The following MGAT5 variants were observed in gnomAD, a reference collection of about 807,000 sequenced individuals.
MGAT5 encodes alpha-1,6-mannosylglycoprotein 6-beta-N-acetylglucosaminyltransferase A.
In MGAT5, 30 loss-of-function variants were observed where a neutral mutation model predicts 94.3. The observed-to-expected ratio is 0.32, with a 90% CI of 0.24 to 0.43. The LOEUF (loss-of-function observed/expected upper bound fraction) is 0.43. Ranked by LOEUF, MGAT5 falls within the 20% of genes least tolerant of loss-of-function variation. The probability of loss-of-function intolerance (pLI) is 1.00; values close to 1 mark genes in which losing one functional copy is unlikely to be tolerated. For missense variants in MGAT5, 691 were observed against 905.5 expected, an observed-to-expected ratio of 0.76 and a Z score of 3.04; for synonymous variants, 310 against 322.9, an observed-to-expected ratio of 0.96 and a Z score of 0.43.
chr2:134,259,562 G>A (rs2105549743), intron 1 of MGAT5, among the ~76,000 whole-genome samples: 1 of 152,272 alleles, frequency 6.6e-6, no homozygotes, highest in East Asian at 1.9e-4. Flanking sequence ...GCCAGCTCAG[G>A]CTCAAGCAGC....
chr2:134,197,708 C>G (rs958224471), intron 1 of MGAT5, among the ~76,000 whole-genome samples: 1 of 152,178 alleles, frequency 6.6e-6, no homozygotes, highest in Admixed American at 6.5e-5. Context: ...CTGATTTAAA[C>G]AAGACAGTTT....
At chr2:134,381,374 A>AGATAGATAGATAGATAAGATAAGATT (rs60788131) in intron 10 of MGAT5, among the ~76,000 whole-genome samples, 2 of 60,674 alleles carry the variant, frequency 3.3e-5, no homozygotes, top group Non-Finnish European at 6.6e-5. Flanking sequence ...TAGATAAGAT[A>AGATAGATAGATAGATAAGATAAGATT]AGATAGATTA....
At chr2:134,305,760 T>TAACA (rs1686289739) in intron 2 of MGAT5, among the ~76,000 whole-genome samples, 3 of 152,304 alleles carry the variant, frequency 2.0e-5, no homozygotes, top group Admixed American at 2.0e-4. Context: ...GTTATCTGTG[T>TAACA]AACACCCTTT....
intron 1 of MGAT5, among the ~76,000 whole-genome samples, chr2:134,130,256 C>CCTG (rs1686080231): frequency 6.6e-6 from 1 of 150,888 alleles, no homozygotes; most frequent in African/African-American, 2.4e-5. Context: ...CGCCCCACAC[C>CCTG]GCCCCACACC....
intron 4 of MGAT5, among the ~76,000 whole-genome samples, chr2:134,319,295 G>A (rs1687183365): frequency 6.6e-6 from 1 of 152,100 alleles, no homozygotes; most frequent in African/African-American, 2.4e-5. Context: ...GCATTTTAAT[G>A]TCTTCATATT....
At chr2:134,141,959 G>A (rs564236745) in intron 1 of MGAT5, among the ~76,000 whole-genome samples, 1 of 152,320 alleles carries the variant, frequency 6.6e-6, no homozygotes, top group Admixed American at 6.5e-5. Context: ...TCTGCTTGCA[G>A]TGTGAAAAGG....
intron 10 of MGAT5, among the ~76,000 whole-genome samples, chr2:134,382,455 G>A (rs749364837): frequency 2.2e-4 from 34 of 152,172 alleles, no homozygotes; most frequent in South Asian, 1.7e-3. Context: ...TTCAAATATC[G>A]TGTGCCTGAA....
chr2:134,235,669 C>T (rs1337227630), intron 1 of MGAT5, among the ~76,000 whole-genome samples: 2 of 151,888 alleles, frequency 1.3e-5, no homozygotes, highest in Non-Finnish European at 2.9e-5. Flanking sequence ...ATAAACTCTC[C>T]CCACCCCAGA....
chr2:134,389,758 C>T (rs1406193689), intron 10 of MGAT5, among the ~76,000 whole-genome samples: 2 of 152,166 alleles, frequency 1.3e-5, no homozygotes, highest in Non-Finnish European at 1.5e-5. Flanking sequence ...TTAGGTGACT[C>T]CTTTGGAGAG....
At chr2:134,416,223 A>G (rs1347248445) in intron 12 of MGAT5, among the ~76,000 whole-genome samples, 1 of 152,180 alleles carries the variant, frequency 6.6e-6, no homozygotes, top group South Asian at 2.1e-4. Flanking sequence ...CATCACTGCT[A>G]TCCATTTCCA....
chr2:134,316,812 A>G (rs1400358576), intron 2 of MGAT5, among the ~76,000 whole-genome samples: 1 of 152,176 alleles, frequency 6.6e-6, no homozygotes, highest in Non-Finnish European at 1.5e-5. Flanking sequence ...GAATGTTTCT[A>G]TCAGAAAGAA....
intron 1 of MGAT5, among the ~76,000 whole-genome samples, chr2:134,233,394 T>A (rs531685797): frequency 8.8e-4 from 134 of 152,338 alleles, no homozygotes; most frequent in African/African-American, 3.1e-3. Flanking sequence ...ATTGGGCTAG[T>A]CTGCTTTGCT....
intron 10 of MGAT5, among the ~76,000 whole-genome samples, chr2:134,377,118 A>G (rs1178600605): frequency 2.0e-5 from 3 of 152,250 alleles, no homozygotes; most frequent in Non-Finnish European, 2.9e-5. Flanking sequence ...TGGATAAATT[A>G]AAAGTGTGCC....
chr2:134,254,631 CATGACAGCTT>C lies in MGAT5; in HGVS notation c.232_241del (p.Thr78IlefsTer2). ...TGGTGGATGGGCCATACGCTGGAGTCATGACAGCTTATGGTAAGCACTGTTTCTGGGACCT... is the reference window on the plus strand; with the variant it reads ...TGGTGGATGGGCCATACGCTGGAGTCATGGTAAGCACTGTTTCTGGGACCT... On this transcript the variant is annotated frameshift_variant, in exon 1 of 16. Coordinates refer to ENST00000281923, the MANE Select transcript of MGAT5 (RefSeq NM_002410.5). LOFTEE classifies it high-confidence loss of function. The C allele has an allele frequency of 6.2e-7, 1 of 1,614,148 alleles. No individual in the cohort carries two copies.
At chr2:134,301,529 G>T (rs904400821) in intron 2 of MGAT5, among the ~76,000 whole-genome samples, 22 of 151,968 alleles carry the variant, frequency 1.4e-4, no homozygotes, top group Admixed American at 1.3e-3. Flanking sequence ...TCTTTTTAAA[G>T]AACCTACTTT....
At chr2:134,315,535 A>G (rs1414688057) in intron 2 of MGAT5, among the ~76,000 whole-genome samples, 4 of 152,232 alleles carry the variant, frequency 2.6e-5, no homozygotes, top group Admixed American at 6.5e-5. Flanking sequence ...ATCTATTTCA[A>G]AAACACAGAA....
At chr2:134,428,511 C>A in intron 14 of MGAT5, 72 bp downstream of exon 14, 1 of 1,322,868 alleles carries the variant, frequency 7.6e-7, no homozygotes. Context: ...CTCTCAAGAA[C>A]ATTTAAGAGC....
chr2:134,442,493 G>A (rs1404242175), intron 15 of MGAT5, among the ~76,000 whole-genome samples: 1 of 152,152 alleles, frequency 6.6e-6, no homozygotes, highest in Non-Finnish European at 1.5e-5. Flanking sequence ...CTGACACATG[G>A]TGCATCTCAG....
At chr2:134,332,898 C>T (rs1479299628) in intron 4 of MGAT5, among the ~76,000 whole-genome samples, 2 of 151,996 alleles carry the variant, frequency 1.3e-5, no homozygotes, top group African/African-American at 4.8e-5. Flanking sequence ...CCATCTCCTA[C>T]CAGTTAGAAT....
Sources: gnomAD v4.1 joint callset for allele counts (sites outside exome capture counted in the v4.1 genomes callset) on GRCh38, gnomAD v4.1.1 for gene constraint, MANE v1.5 for transcripts, NCBI Gene and HGNC (gene_info 2026-07-23, HGNC 2026-07-21) for gene names.